Variants in ECPAS observed in about 807,000 individuals in gnomAD.
The protein encoded by ECPAS is proteasome adapter and scaffold protein ECM29.
A neutral mutation model predicts 255.1 loss-of-function variants in ECPAS; 70 were observed. The ratio of observed to expected loss-of-function variants is 0.27; its 90% CI spans 0.23 to 0.33. The LOEUF (loss-of-function observed/expected upper bound fraction) is 0.33, where lower values mean the gene tolerates loss of function less well. Among genes scored for constraint, ECPAS ranks in the 10% least tolerant of loss-of-function variants. ECPAS has a pLI of 1.00. For missense variants in ECPAS, 1,817 were observed against 2,206.4 expected (o/e 0.82, Z 3.54); for synonymous variants, 784 against 775.0 (o/e 1.01, Z -0.19).
intron 11 of ECPAS, 47 bp downstream of exon 11, chr9:111,425,696 A>C (rs1172473012): frequency 8.6e-7 from 1 of 1,163,902 alleles, no homozygotes; most frequent in Non-Finnish European, 1.3e-6. Context: ...GCACTCAATC[A>C]TTCCAGCAGC....
chr9:111,464,829 T>C (rs936473600), intron 2 of ECPAS, among the ~76,000 whole-genome samples: 9 of 151,736 alleles, frequency 5.9e-5, no homozygotes, highest in African/African-American at 1.9e-4. Context: ...AAAAGAAAAA[T>C]GATATGATAA....
At chr9:111,417,481 C>G (rs1434696645) in intron 17 of ECPAS, among the ~76,000 whole-genome samples, 5 of 152,174 alleles carry the variant, frequency 3.3e-5, no homozygotes, top group Middle Eastern at 3.4e-3. Context: ...CATGGTGGTT[C>G]ATGCCTGTAA....
At chr9:111,452,761 A>G (rs2098262021) in intron 2 of ECPAS, among the ~76,000 whole-genome samples, 1 of 152,260 alleles carries the variant, frequency 6.6e-6, no homozygotes, top group South Asian at 2.1e-4. Flanking sequence ...TGATCGATCA[A>G]TCCTGAGAGG....
At chr9:111,425,619 A>C in intron 11 of ECPAS, 123 bp from the exon 12 acceptor site, 1 of 989,802 alleles carries the variant, frequency 1.0e-6, no homozygotes, top group South Asian at 1.9e-5. Context: ...ATTAAAATAC[A>C]AAAATTTTTA....
At chr9:111,413,507 T>C (rs936574719) in intron 20 of ECPAS, among the ~76,000 whole-genome samples, 10 of 152,312 alleles carry the variant, frequency 6.6e-5, no homozygotes, top group Admixed American at 4.6e-4. Context: ...TGGTCACTTA[T>C]ATATGTTTGT....
chr9:111,441,192 T>A lies in ECPAS; in HGVS notation c.390-671A>T, dbSNP rs992551807. Among the ~76,000 whole-genome samples, 4 of 143,448 alleles carry A rather than the reference T, an allele frequency of 2.8e-5. No homozygotes were observed. In the East Asian group the frequency reaches 6.3e-4, roughly 22 times the overall value. The allele number at this position is 143,448 out of a possible 152,430, so 94.1% of individuals were successfully genotyped here. On this transcript the variant is annotated intron_variant, in intron 5 of 49. Coordinates refer to ENST00000684092, the MANE Select transcript of ECPAS (RefSeq NM_001364929.1). ...AAATAAAAAAATAAAAAATAAAAAA[T>A]AAAAATTAAAAAAAAAAAGAATTAT...
intron 6 of ECPAS, among the ~76,000 whole-genome samples, chr9:111,438,024 C>A (rs1394984647): frequency 6.6e-6 from 1 of 152,132 alleles, no homozygotes; most frequent in Non-Finnish European, 1.5e-5. Context: ...ACTTACATGT[C>A]ATATTCATTC....
chr9:111,384,243 A>G (rs1398628944), intron 34 of ECPAS, among the ~76,000 whole-genome samples: 1 of 152,214 alleles, frequency 6.6e-6, no homozygotes, highest in Non-Finnish European at 1.5e-5. Context: ...AAGAGAAAAG[A>G]CAGGTGTTGC....
chr9:111,430,621 C>T lies in ECPAS; in HGVS notation c.856G>A (p.Asp286Asn), dbSNP rs1172644716. 3.1e-6 allele frequency: 5 copies of T among 1,589,768 alleles called. No homozygotes were observed. Among genetic ancestry groups the T allele is most frequent in the African/African-American group, 1.3e-5 (1 of 74,586 alleles). ...TTAATGATGGCAGGATTATTCCAGT[C>T]AATTAAGCTATGGAAGGTTTCAACA... is the stretch of plus-strand genomic sequence containing the variant. ...LELKSKQSLIDWNNPAIINKM... is the reference protein window; with the variant it reads ...LELKSKQSLINWNNPAIINKM... The change falls in exon 9 of 50, where the codon GAC becomes AAC. Residue 286 changes from aspartate to asparagine, a missense_variant. Physicochemically the swap from Asp to Asn is conservative, Grantham distance 23. This residue lies in a region of ECPAS where 573 missense variants were observed against 716.2 expected (regional missense o/e 0.80). Transcript: ENST00000684092.
chr9:111,470,022 A>C (rs1036967578), intron 2 of ECPAS, among the ~76,000 whole-genome samples: 1 of 152,148 alleles, frequency 6.6e-6, no homozygotes, highest in Non-Finnish European at 1.5e-5. Context: ...ACAATCCATC[A>C]AGGTTCCTGC....
intron 17 of ECPAS, among the ~76,000 whole-genome samples, chr9:111,416,904 C>T (rs2098204512): frequency 6.6e-6 from 1 of 152,144 alleles, no homozygotes; most frequent in South Asian, 2.1e-4. Flanking sequence ...TAGCAGAAAA[C>T]ACTGTGCAAA....
At chr9:111,398,530 G>A (rs931991399) in intron 24 of ECPAS, among the ~76,000 whole-genome samples, 12 of 152,166 alleles carry the variant, frequency 7.9e-5, no homozygotes, top group Non-Finnish European at 4.4e-5. Context: ...TTCTATTTTT[G>A]TGTATGTTTG....
intron 18 of ECPAS, among the ~76,000 whole-genome samples, chr9:111,415,718 C>T (rs929815544): frequency 6.7e-6 from 1 of 149,672 alleles, no homozygotes; most frequent in African/African-American, 2.4e-5. Flanking sequence ...AAAAAAAAAC[C>T]AAACAAACAA....
chr9:111,434,965 G>A (rs2098235783), intron 7 of ECPAS, among the ~76,000 whole-genome samples: 1 of 131,246 alleles, frequency 7.6e-6, no homozygotes, highest in South Asian at 2.5e-4. Flanking sequence ...ATGGCACAAT[G>A]TCAGCTCACG....
intron 35 of ECPAS, among the ~76,000 whole-genome samples, chr9:111,382,900 T>G (rs2131569696): frequency 6.6e-6 from 1 of 152,300 alleles, no homozygotes; most frequent in African/African-American, 2.4e-5. Flanking sequence ...TAATAATCTG[T>G]GAAATATTAC....
chr9:111,376,360 C>G (rs923152653), intron 37 of ECPAS, 116 bp downstream of exon 37: 2 of 764,066 alleles, frequency 2.6e-6, no homozygotes, highest in Non-Finnish European at 4.4e-6. Context: ...GGAGTCACAA[C>G]AGCTGCTTGA....
intron 45 of ECPAS, among the ~76,000 whole-genome samples, chr9:111,370,037 G>A (rs1438577250): frequency 1.3e-5 from 2 of 152,202 alleles, no homozygotes; most frequent in Non-Finnish European, 2.9e-5. Context: ...GCTAAGTACT[G>A]ACCAACAGGA....
intron 2 of ECPAS, among the ~76,000 whole-genome samples, chr9:111,469,538 C>T (rs759335423): frequency 2.0e-5 from 3 of 151,142 alleles, no homozygotes; most frequent in African/African-American, 7.3e-5. Flanking sequence ...CCGCCAGGCG[C>T]GGTGGCTCAC....
chr9:111,421,926 T>C lies in ECPAS; in HGVS notation c.1450A>G (p.Ile484Val). 1 of 1,613,568 alleles carries C rather than the reference T, an allele frequency of 6.2e-7. No individual in the cohort carries two copies. Among genetic ancestry groups the C allele is most frequent in the Non-Finnish European group, 8.5e-7 (1 of 1,179,738 alleles). ...TGTAGTTCACACGGACCTACCTTTA[T>C]TAAGTACGAAGCCACAAGTGCCTCC... ...LMEALVASYL[I>V]KPEVQVRQVA... is the part of the protein sequence containing the mutation. The change falls in exon 15 of 50, where the codon ATA becomes GTA. Residue 484 changes from isoleucine (I) to valine (V), a missense_variant. Ile to Val is a conservative substitution (Grantham distance 29, BLOSUM62 3). Around this residue, in one of 4 missense-constraint regions of ECPAS, gnomAD observed 573 missense variants for 716.2 expected, o/e 0.80. Coordinates refer to ENST00000684092, the MANE Select transcript of ECPAS (RefSeq NM_001364929.1).
Sources: allele counts gnomAD v4.1 joint callset (sites outside exome capture counted in the v4.1 genomes callset), GRCh38; gene constraint gnomAD v4.1.1; regional missense constraint gnomAD v4.1.1; transcripts MANE v1.5; gene names NCBI Gene and HGNC (gene_info 2026-07-23, HGNC 2026-07-21).